Variants in TRHDE observed in about 807,000 individuals in gnomAD.
The protein encoded by TRHDE is thyrotropin-releasing hormone-degrading ectoenzyme.
Under a neutral mutation model 125.7 loss-of-function variants are expected in TRHDE, and 72 were observed. The observed-to-expected ratio is 0.57, with a 90% CI of 0.47 to 0.70. The LOEUF is 0.70. Ranked by LOEUF, TRHDE falls within the 30% of genes least tolerant of loss-of-function variation. TRHDE has a pLI of 0.00. For synonymous variants in TRHDE, 509 were observed against 509.1 expected (o/e 1.00, Z 0.00); for missense variants, 1,110 against 1,327.1 (o/e 0.84, Z 2.54).
At chr12:72,092,849 A>T (rs941539481) in intron 1 of TRHDE, among the ~76,000 whole-genome samples, 1 of 152,186 alleles carries the variant, frequency 6.6e-6, no homozygotes, top group South Asian at 2.1e-4. Flanking sequence ...CACAACTTAC[A>T]TGTATTATCA....
At chr12:72,124,550 C>T (rs567152875) in intron 2 of TRHDE, among the ~76,000 whole-genome samples, 13 of 152,130 alleles carry the variant, frequency 8.5e-5, no homozygotes, top group Admixed American at 7.2e-4. Context: ...GAGATCTAAA[C>T]GTAAAGTCTG....
chr12:72,179,928 A>C (rs1877062412), intron 2 of TRHDE, among the ~76,000 whole-genome samples: 1 of 152,116 alleles, frequency 6.6e-6, no homozygotes, highest in Non-Finnish European at 1.5e-5. Flanking sequence ...AGGTACAGGC[A>C]GTCCCTGCCC....
At chr12:72,351,039 A>G (rs1870558725) in intron 2 of TRHDE, among the ~76,000 whole-genome samples, 1 of 152,028 alleles carries the variant, frequency 6.6e-6, no homozygotes, top group Non-Finnish European at 1.5e-5. Flanking sequence ...TTTCTGTCAT[A>G]CACACCTTGT....
At chr12:72,420,643 C>G (rs1265654497) in intron 3 of TRHDE, among the ~76,000 whole-genome samples, 1 of 152,096 alleles carries the variant, frequency 6.6e-6, no homozygotes, top group Non-Finnish European at 1.5e-5. Flanking sequence ...TTGAAATAGA[C>G]TGGGTTCAAT....
chr12:72,116,593 G>A (rs1328832134), intron 2 of TRHDE, among the ~76,000 whole-genome samples: 1 of 152,046 alleles, frequency 6.6e-6, no homozygotes, highest in Admixed American at 6.6e-5. Context: ...GTTTTGATTT[G>A]CATTTCTCTA....
intron 6 of TRHDE, among the ~76,000 whole-genome samples, chr12:72,536,863 A>G (rs1868887361): frequency 6.6e-6 from 1 of 152,032 alleles, no homozygotes; most frequent in African/African-American, 2.4e-5. Context: ...GTCCCATTGA[A>G]TTAGGTTTTC....
At chr12:72,293,025 C>G (rs1415339708) in intron 2 of TRHDE, among the ~76,000 whole-genome samples, 1 of 151,988 alleles carries the variant, frequency 6.6e-6, no homozygotes, top group African/African-American at 2.4e-5. Context: ...AACTTGATCG[C>G]TGGGGGCAAG....
intron 18 of TRHDE, among the ~76,000 whole-genome samples, chr12:72,662,136 C>T (rs1310830199): frequency 6.6e-6 from 1 of 152,182 alleles, no homozygotes; most frequent in African/African-American, 2.4e-5. Context: ...CCTGGCATAT[C>T]TTCCATGTGG....
intron 3 of TRHDE, among the ~76,000 whole-genome samples, chr12:72,467,133 G>T (rs914348356): frequency 6.6e-6 from 1 of 152,116 alleles, no homozygotes; most frequent in Non-Finnish European, 1.5e-5. Flanking sequence ...TGCACAACGT[G>T]CAGGTTTGTT....
At chr12:72,206,921 CAAAGT>C (rs1165580944) in intron 2 of TRHDE, among the ~76,000 whole-genome samples, 1 of 152,010 alleles carries the variant, frequency 6.6e-6, no homozygotes, top group Admixed American at 6.5e-5. Context: ...AATGACAACT[CAAAGT>C]AAAGAAACTT....
intron 3 of TRHDE, among the ~76,000 whole-genome samples, chr12:72,414,824 T>C (rs1202975356): frequency 6.6e-6 from 1 of 152,150 alleles, no homozygotes; most frequent in African/African-American, 2.4e-5. Context: ...TTTACATACA[T>C]TAAACCATTA....
chr12:72,374,877 G>A (rs577154051), intron 2 of TRHDE, among the ~76,000 whole-genome samples: 44 of 152,262 alleles, frequency 2.9e-4, no homozygotes, highest in Non-Finnish European at 5.7e-4. Context: ...TACTTGCACC[G>A]ATAGTCTCAG....
At chr12:72,372,768 T>G (rs1030005737) in intron 2 of TRHDE, among the ~76,000 whole-genome samples, 1 of 152,164 alleles carries the variant, frequency 6.6e-6, no homozygotes, top group Non-Finnish European at 1.5e-5. Flanking sequence ...TTGGTACCAG[T>G]ACCATGCTGT....
intron 10 of TRHDE, among the ~76,000 whole-genome samples, chr12:72,573,743 A>C (rs1361105118): frequency 6.6e-6 from 1 of 152,024 alleles, no homozygotes; most frequent in Non-Finnish European, 1.5e-5. Flanking sequence ...TGAAAAATGT[A>C]TATCATATTA....
intron 3 of TRHDE, among the ~76,000 whole-genome samples, chr12:72,456,566 T>G (rs959658492): frequency 1.3e-5 from 2 of 152,104 alleles, no homozygotes; most frequent in East Asian, 3.9e-4. Flanking sequence ...ATCAGTTACA[T>G]GTCGTTTTGA....
intron 2 of TRHDE, among the ~76,000 whole-genome samples, chr12:72,300,449 TTA>T (rs984113724): frequency 2.5e-4 from 38 of 151,848 alleles, no homozygotes; most frequent in African/African-American, 8.9e-4. Flanking sequence ...TGTGTATTTT[TTA>T]TATATATGTA....
Position 72,652,482 on chromosome 12 carries a change from T to A in TRHDE, c.2836T>A (p.Leu946Ile). Reference sequence around the variant, plus strand: ...AACTTGCAGTGATGACAGGAATTTATTAAACAGGTAGGCCGACTGATTTTC... The same window carrying A: ...AACTTGCAGTGATGACAGGAATTTAATAAACAGGTAGGCCGACTGATTTTC... ...ALTCSDDRNL[L>I]NRLLNLSLNS... Residue 946 changes from leucine to isoleucine, a missense_variant, in exon 16 of 19, where the codon TTA becomes ATA. Leu to Ile is a conservative substitution (Grantham distance 5). Coordinates refer to ENST00000261180, the MANE Select transcript of TRHDE (RefSeq NM_013381.3). 6.2e-7 allele frequency: 1 copy of A among 1,605,126 alleles called. No individual in the cohort carries two copies. The highest frequency in any genetic ancestry group is 8.5e-7 in the Non-Finnish European group (1 of 1,175,294).
At chr12:72,494,260 C>T (rs1020661751) in intron 5 of TRHDE, among the ~76,000 whole-genome samples, 6 of 151,868 alleles carry the variant, frequency 4.0e-5, no homozygotes, top group Non-Finnish European at 7.4e-5. Flanking sequence ...ACCATAAAAG[C>T]CATTTATGTT....
chr12:72,450,003 C>T (rs888002801), intron 3 of TRHDE, among the ~76,000 whole-genome samples: 2 of 151,768 alleles, frequency 1.3e-5, no homozygotes, highest in African/African-American at 4.8e-5. Flanking sequence ...GTCTATGCTT[C>T]TTTGTTGAGT....
Sources: gnomAD v4.1 joint callset for allele counts (sites outside exome capture counted in the v4.1 genomes callset) on GRCh38, gnomAD v4.1.1 for gene constraint, MANE v1.5 for transcripts, NCBI Gene and HGNC (gene_info 2026-07-23, HGNC 2026-07-21) for gene names.